The following USP34 variants were observed in gnomAD, a reference collection of about 807,000 sequenced individuals.
The protein encoded by USP34 is ubiquitin carboxyl-terminal hydrolase 34.
USP34 carries 70 observed loss-of-function variants against 460.3 expected under a neutral mutation model. That is an observed-to-expected ratio of 0.15 (90% CI 0.13 to 0.19). The LOEUF (loss-of-function observed/expected upper bound fraction) is 0.19, where lower values mean the gene tolerates loss of function less well. USP34 is among the 10% of genes least tolerant of loss of function. The probability of loss-of-function intolerance (pLI) is 1.00; values close to 1 mark genes in which losing one functional copy is unlikely to be tolerated. For missense variants in USP34, 3,985 were observed against 4,236.2 expected (o/e 0.94, Z 1.65); for synonymous variants, 1,647 against 1,405.3 (o/e 1.17, Z -3.85).
intron 10 of USP34, among the ~76,000 whole-genome samples, chr2:61,365,292 C>CACACGT (rs754663268): frequency 7.0e-6 from 1 of 142,096 alleles, no homozygotes; most frequent in African/African-American, 2.7e-5. Flanking sequence ...CACACACACA[C>CACACGT]GTGTGTTTAT....
intron 1 of USP34, among the ~76,000 whole-genome samples, chr2:61,466,356 C>T (rs1338702087): frequency 6.6e-6 from 1 of 151,962 alleles, no homozygotes; most frequent in African/African-American, 2.4e-5. Flanking sequence ...GCCCAGGAAG[C>T]GGAGGCTGTA....
chr2:61,316,691 C>T (rs1690759792), intron 23 of USP34, among the ~76,000 whole-genome samples: 1 of 152,038 alleles, frequency 6.6e-6, no homozygotes. Context: ...TCGAGACCAG[C>T]CCCGCCAACA....
At chr2:61,222,580 A>G (rs1687617946) in intron 65 of USP34, 39 bp downstream of exon 65, 1 of 1,567,406 alleles carries the variant, frequency 6.4e-7, no homozygotes, top group Admixed American at 1.7e-5. Context: ...CAGTGCTGAA[A>G]ATTGTTTTAA....
chr2:61,328,138 A>G (rs1277335760), intron 20 of USP34, among the ~76,000 whole-genome samples: 2 of 152,024 alleles, frequency 1.3e-5, no homozygotes, highest in Non-Finnish European at 2.9e-5. Flanking sequence ...CCTTGTCTCT[A>G]CTAAAAAGCG....
intron 27 of USP34, among the ~76,000 whole-genome samples, chr2:61,301,718 GA>G (rs2103643293): frequency 6.6e-6 from 1 of 152,204 alleles, no homozygotes; most frequent in South Asian, 2.1e-4. Flanking sequence ...GCCCTTTCTT[GA>G]AAATAACAAG....
At chr2:61,353,372 C>A (rs1318055854) in intron 10 of USP34, among the ~76,000 whole-genome samples, 2 of 151,222 alleles carry the variant, frequency 1.3e-5, no homozygotes, top group Non-Finnish European at 2.9e-5. Flanking sequence ...TGAAGTCCAC[C>A]TGTTGCACTT....
chr2:61,464,635 T>C (rs979712279), intron 1 of USP34, among the ~76,000 whole-genome samples: 7 of 143,484 alleles, frequency 4.9e-5, no homozygotes, highest in Admixed American at 7.6e-5. Flanking sequence ...CTCACGCCTG[T>C]AGTCCCAGGA....
chr2:61,353,928 C>T (rs967739163), intron 10 of USP34, among the ~76,000 whole-genome samples: 12 of 151,814 alleles, frequency 7.9e-5, no homozygotes, highest in South Asian at 2.1e-4. Context: ...TCTGAGCAAG[C>T]GGAAAAAAGA....
chr2:61,470,471 G>C (rs555718579), intron 1 of USP34, among the ~76,000 whole-genome samples, 179 bp downstream of exon 1: 11 of 148,766 alleles, frequency 7.4e-5, no homozygotes, highest in Admixed American at 6.7e-5. Context: ...TAACCCGGCC[G>C]GGCTGGGCCC....
intron 8 of USP34, 49 bp downstream of exon 8, chr2:61,378,314 C>T (rs1276605035): frequency 7.6e-7 from 1 of 1,315,414 alleles, no homozygotes; most frequent in Non-Finnish European, 1.1e-6. Flanking sequence ...ATATAAACAA[C>T]TGTACATTAA....
At chr2:61,346,831 CAAAAAAAAAAA>C (rs776311612) in intron 15 of USP34, among the ~76,000 whole-genome samples, 8 of 29,798 alleles carry the variant, frequency 2.7e-4, no homozygotes, top group African/African-American at 1.0e-3. Flanking sequence ...GATTCCAACT[CAAAAAAAAAAA>C]AAAAAAAAAA....
At position 61,379,852 on chromosome 2, in the gene USP34, G is replaced by A. The variant is rs1021520388; in HGVS notation, c.1014+317C>T. On this transcript the variant is annotated intron_variant, in intron 7 of 79. Transcript: ENST00000398571. ...GGAAAATTAATTAACTGCTTATAAA[G>A]CCCTCCAATTATTCCTCTTTCTCAA... Among the ~76,000 whole-genome samples, 7 of 152,320 alleles carry A rather than the reference G, an allele frequency of 4.6e-5. No individual in the cohort carries two copies. The South Asian group carries it at 1.4e-3, about 32-fold the overall frequency.
intron 48 of USP34, among the ~76,000 whole-genome samples, chr2:61,255,946 A>G (rs564941330): frequency 1.3e-5 from 2 of 152,356 alleles, no homozygotes; most frequent in Admixed American, 1.3e-4. Context: ...TAGGTATGTT[A>G]TGCACAGCAA....
At chr2:61,303,601 CTT>C (rs891997196) in intron 27 of USP34, among the ~76,000 whole-genome samples, 1 of 145,876 alleles carries the variant, frequency 6.9e-6, no homozygotes. Context: ...CTGTATTAAA[CTT>C]TTTTTTTTTT....
At chr2:61,393,191 G>A (rs1399882280) in intron 5 of USP34, among the ~76,000 whole-genome samples, 1 of 152,150 alleles carries the variant, frequency 6.6e-6, no homozygotes, top group Non-Finnish European at 1.5e-5. Context: ...AGCACTTTAG[G>A]AGGCTGAGGC....
intron 10 of USP34, among the ~76,000 whole-genome samples, chr2:61,356,475 G>GCACACACACACA (rs70963416): frequency 2.3e-5 from 3 of 128,332 alleles, no homozygotes; most frequent in African/African-American, 8.1e-5. Context: ...GGGTGAAAGC[G>GCACACACACACA]CACACACACA....
At chr2:61,401,189 T>C (rs550801737) in intron 3 of USP34, among the ~76,000 whole-genome samples, 33 of 151,308 alleles carry the variant, frequency 2.2e-4, no homozygotes, top group African/African-American at 7.7e-4. Flanking sequence ...AAAACCTTCA[T>C]GTATATATTT....
chr2:61,257,166 C>A, intron 45 of USP34, 38 bp downstream of exon 45: 2 of 1,580,192 alleles, frequency 1.3e-6, no homozygotes, highest in South Asian at 1.2e-5. Flanking sequence ...CAAATTTGTT[C>A]AAATTTCAAA....
At position 61,346,831 on chromosome 2, in the gene USP34, C is replaced by CAAAAA. The variant is rs776311612; in HGVS notation, c.2285+1034_2285+1038dup. Among the ~76,000 whole-genome samples, 23 of 29,746 alleles carry CAAAAA rather than the reference C, an allele frequency of 7.7e-4. 1 individual carries two copies. Among genetic ancestry groups the CAAAAA allele is most frequent in the Admixed American group, 2.7e-3 (6 of 2,186 alleles). 19.5% of individuals were successfully genotyped at this position (29,746 alleles called of 152,430 possible). ...TGGGTGACAGAGTGAGATTCCAACT[C>CAAAAA]AAAAAAAAAAAAAAAAAAAAAAAAG... On this transcript the variant is annotated intron_variant, in intron 15 of 79. Transcript: ENST00000398571.
Sources: gnomAD v4.1 joint callset for allele counts (sites outside exome capture counted in the v4.1 genomes callset) on GRCh38, gnomAD v4.1.1 for gene constraint, MANE v1.5 for transcripts, NCBI Gene and HGNC (gene_info 2026-07-23, HGNC 2026-07-21) for gene names.